MTSS1: variants seen among roughly 807,000 people sequenced by gnomAD.
The protein encoded by MTSS1 is protein MTSS 1.
Under a neutral mutation model 79.0 loss-of-function variants are expected in MTSS1, and 18 were observed. The ratio of observed to expected loss-of-function variants is 0.23; its 90% CI spans 0.16 to 0.34. The LOEUF (loss-of-function observed/expected upper bound fraction) is 0.34. MTSS1 is among the 10% of genes least tolerant of loss of function. The pLI, the probability that MTSS1 is intolerant of heterozygous loss-of-function variation, is 1.00. For synonymous variants in MTSS1, 341 were observed against 368.6 expected, an observed-to-expected ratio of 0.93 and a Z score of 0.86; for missense variants, 815 against 986.2, an observed-to-expected ratio of 0.83 and a Z score of 2.33.
chr8:124,653,808 C>T (rs1485050054), intron 3 of MTSS1, among the ~76,000 whole-genome samples: 2 of 152,170 alleles, frequency 1.3e-5, no homozygotes, highest in Non-Finnish European at 2.9e-5. Flanking sequence ...TCCCTTTTCC[C>T]CCTAGGATAT....
chr8:124,694,371 C>G (rs1828460762), intron 3 of MTSS1, among the ~76,000 whole-genome samples: 2 of 152,004 alleles, frequency 1.3e-5, no homozygotes, highest in South Asian at 4.2e-4. Flanking sequence ...GAACAACCAT[C>G]TCAGGGAAGT....
At chr8:124,661,575 T>G (rs1252959018) in intron 3 of MTSS1, among the ~76,000 whole-genome samples, 1 of 151,996 alleles carries the variant, frequency 6.6e-6, no homozygotes, top group Non-Finnish European at 1.5e-5. Context: ...GGTAGTGGAG[T>G]CCTAGCCACG....
intron 3 of MTSS1, among the ~76,000 whole-genome samples, chr8:124,622,542 C>T (rs955364801): frequency 6.6e-6 from 1 of 150,624 alleles, no homozygotes; most frequent in African/African-American, 2.4e-5. Context: ...TTCCCATAAT[C>T]CCAGCACTCT....
At position 124,596,707 on chromosome 8, in the gene MTSS1, C is replaced by T. The variant is rs75648054; in HGVS notation, c.209-5472G>A. 2.7e-3 allele frequency among the ~76,000 whole-genome samples: 414 copies of T among 152,268 alleles called. 1 individual carries two copies. The highest frequency in any genetic ancestry group is 9.7e-3 in the African/African-American group (402 of 41,540). ...TCTGAAATCCAGATGTCGGCAGGGC[C>T]GTGCTCCCTCTAAAACCTACAGGGA... is the stretch of plus-strand genomic sequence containing the variant. On this transcript the variant is annotated intron_variant, in intron 3 of 13. Coordinates refer to ENST00000518547, the MANE Select transcript of MTSS1 (RefSeq NM_014751.6).
intron 4 of MTSS1, among the ~76,000 whole-genome samples, chr8:124,590,119 T>C (rs1345778188): frequency 6.6e-6 from 1 of 152,198 alleles, no homozygotes; most frequent in Non-Finnish European, 1.5e-5. Context: ...CCTCCCAAAG[T>C]GCTGGGATTA....
chr8:124,681,703 G>A (rs945220507), intron 3 of MTSS1, among the ~76,000 whole-genome samples: 4 of 152,260 alleles, frequency 2.6e-5, no homozygotes, highest in Middle Eastern at 3.4e-3. Context: ...CAGGAGAATT[G>A]CTTGAACCTG....
intron 6 of MTSS1, chr8:124,568,815 C>T (rs1827122209): frequency 6.9e-7 from 1 of 1,441,330 alleles, no homozygotes; most frequent in East Asian, 2.5e-5. Context: ...ACTGCACAAC[C>T]CCCACCAACT....
chr8:124,680,628 T>C (rs1411870941), intron 3 of MTSS1, among the ~76,000 whole-genome samples: 1 of 152,238 alleles, frequency 6.6e-6, no homozygotes, highest in East Asian at 1.9e-4. Context: ...ACCAATAGTA[T>C]AGTATTAAAT....
At chr8:124,575,599 G>T (rs1828818842) in intron 6 of MTSS1, among the ~76,000 whole-genome samples, 2 of 151,982 alleles carry the variant, frequency 1.3e-5, no homozygotes, top group Admixed American at 6.6e-5. Flanking sequence ...TTGTTTGTTT[G>T]TTTTTTAAAG....
intron 3 of MTSS1, among the ~76,000 whole-genome samples, chr8:124,688,653 A>G (rs1827425406): frequency 2.6e-5 from 4 of 152,212 alleles, no homozygotes; most frequent in Admixed American, 6.5e-5. Context: ...ATTAACAAAC[A>G]AGCAAACCAA....
intron 10 of MTSS1, chr8:124,558,959 G>A (rs539234721): frequency 2.3e-6 from 3 of 1,285,578 alleles, no homozygotes; most frequent in South Asian, 3.2e-5. Context: ...GAAAGAGACA[G>A]ACATATACAC....
At chr8:124,591,471 A>G (rs1831867001) in intron 3 of MTSS1, among the ~76,000 whole-genome samples, 2 of 152,242 alleles carry the variant, frequency 1.3e-5, no homozygotes, top group Non-Finnish European at 2.9e-5. Context: ...TGCTCCTACT[A>G]TATACCACAC....
chr8:124,643,855 A>T (rs189531067), intron 3 of MTSS1, among the ~76,000 whole-genome samples: 2 of 152,298 alleles, frequency 1.3e-5, no homozygotes, highest in Non-Finnish European at 1.5e-5. Context: ...CCAAATGGCA[A>T]AATTACAGGT....
Position 124,553,398 on chromosome 8 carries a change from G to A in MTSS1, c.1862C>T (p.Pro621Leu), listed in dbSNP as rs1185373773. Residue 621 changes from proline (P) to leucine (L), a missense_variant, in exon 14 of 14, where the codon CCA becomes CTA. Transcript: ENST00000518547. This position sits in a 1 kb window ranked among gnomAD's most constrained non-coding sequence, Gnocchi z 6.0. ...CACCCCTGGGAGGTCTGGGACGGTT[G>A]GGGTCTTGACAGGGATCACGGGTGT... Reference protein sequence around the residue: ...IKTPVIPVKTPTVPDLPGVLP... With the variant: ...IKTPVIPVKTLTVPDLPGVLP... The A allele has an allele frequency of 6.2e-7, 1 of 1,608,440 alleles. No homozygotes were observed. The highest frequency in any genetic ancestry group is 1.3e-5 in the African/African-American group (1 of 74,920).
chr8:124,556,003 G>A (rs751944397), intron 12 of MTSS1, 99 bp from the exon 13 acceptor site: 26 of 1,553,546 alleles, frequency 1.7e-5, no homozygotes, highest in Non-Finnish European at 2.2e-5. Flanking sequence ...TGTGGGGCCA[G>A]GGGGCTATTG....
chr8:124,699,270 G>A (rs1200011052), intron 3 of MTSS1: 3 of 479,056 alleles, frequency 6.3e-6, no homozygotes, highest in African/African-American at 5.9e-5. Context: ...AGTGATCAAA[G>A]AACCCATCAA....
chr8:124,578,108 C>G (rs147999309), intron 6 of MTSS1, among the ~76,000 whole-genome samples: 14 of 152,238 alleles, frequency 9.2e-5, no homozygotes, highest in Non-Finnish European at 1.6e-4. Flanking sequence ...GGAGTCTGAT[C>G]AGAATCGAGG....
chr8:124,603,644 G>C (rs1834305513), intron 3 of MTSS1, among the ~76,000 whole-genome samples: 1 of 152,164 alleles, frequency 6.6e-6, no homozygotes, highest in Non-Finnish European at 1.5e-5. Context: ...TAACTACAGG[G>C]AGGGGAGGCA....
rs1564059413 is a variant in MTSS1 at position 124,721,679 on chromosome 8, G to GGATTACAGGTGTGA, written c.72+6204_72+6205insTCACACCTGTAATC. ...ACCCATCTTGGCCTCCCAGAGTGAT[G>GGATTACAGGTGTGA]GGCACCTCGCCCTACCAGAAAAGGC... On this transcript the variant is annotated intron_variant, in intron 1 of 13. Transcript: ENST00000518547. 1.9e-4 allele frequency among the ~76,000 whole-genome samples: 29 copies of GGATTACAGGTGTGA among 151,946 alleles called. 1 individual carries two copies. In the South Asian group the frequency reaches 6.0e-3, roughly 32 times the overall value.
Sources: allele counts gnomAD v4.1 joint callset (sites outside exome capture counted in the v4.1 genomes callset), GRCh38; gene constraint gnomAD v4.1.1; non-coding constraint Gnocchi (gnomAD v3.1); transcripts MANE v1.5; gene names NCBI Gene and HGNC (gene_info 2026-07-23, HGNC 2026-07-21).